The following CPXM2 variants were observed in gnomAD, a reference collection of about 807,000 sequenced individuals.
CPXM2 encodes carboxypeptidase X, M14 family member 2, also known as inactive carboxypeptidase-like protein X2.
A neutral mutation model predicts 86.1 loss-of-function variants in CPXM2; 66 were observed. The observed-to-expected ratio is 0.77, with a 90% confidence interval of 0.63 to 0.94. The LOEUF (loss-of-function observed/expected upper bound fraction) is 0.94, where lower values mean the gene tolerates loss of function less well. Ranked by LOEUF, CPXM2 falls within the 40% of genes least tolerant of loss-of-function variation. The probability of loss-of-function intolerance (pLI) is 0.00; values close to 1 mark genes in which losing one functional copy is unlikely to be tolerated. For missense variants in CPXM2, 948 were observed against 1,026.3 expected (o/e 0.92, Z 1.04); for synonymous variants, 388 against 400.2 (o/e 0.97, Z 0.36).
chr10:123,876,483 C>T (rs916758231), intron 2 of CPXM2, among the ~76,000 whole-genome samples: 3 of 152,178 alleles, frequency 2.0e-5, no homozygotes, highest in African/African-American at 7.2e-5. Flanking sequence ...TCAGAGGAGG[C>T]TTCCTGGAAG....
At chr10:123,830,945 A>G (rs1848155451) in intron 4 of CPXM2, among the ~76,000 whole-genome samples, 4 of 150,000 alleles carry the variant, frequency 2.7e-5, no homozygotes, top group Non-Finnish European at 4.4e-5. Flanking sequence ...AACTCTAATC[A>G]TGTAGTTAAA....
chr10:123,901,326 TA>T (rs1945378939), intron 2 of CPXM2, among the ~76,000 whole-genome samples: 1 of 152,176 alleles, frequency 6.6e-6, no homozygotes. Context: ...GCTCCAGTTG[TA>T]AATCACATGC....
At chr10:123,833,347 A>G (rs1175838966) in intron 4 of CPXM2, among the ~76,000 whole-genome samples, 5 of 152,234 alleles carry the variant, frequency 3.3e-5, no homozygotes, top group Non-Finnish European at 7.3e-5. Context: ...ATTTATGCCA[A>G]CAAAATACAG....
Position 123,768,821 on chromosome 10 carries a change from T to C in CPXM2, c.1103-99A>G, listed in dbSNP as rs576708220. 4 of 1,061,748 alleles carry C rather than the reference T, an allele frequency of 3.8e-6. No homozygotes were observed. In the African/African-American group the frequency reaches 6.3e-5, roughly 17 times the overall value. 65.8% of individuals were successfully genotyped at this position (1,061,748 alleles called of 1,614,324 possible). ...GTTGGGGGGAAAGTCTTGAATAATA[T>C]AAGCTTACCGTTTTAGACCTATTTG... On this transcript the variant is annotated intron_variant, in intron 8 of 13. Coordinates refer to ENST00000241305, the MANE Select transcript of CPXM2 (RefSeq NM_198148.3).
At chr10:123,874,370 C>T (rs1302562439) in intron 2 of CPXM2, among the ~76,000 whole-genome samples, 6 of 146,790 alleles carry the variant, frequency 4.1e-5, no homozygotes, top group African/African-American at 7.3e-5. Flanking sequence ...ATCACCACCC[C>T]CCGCCCCAAC....
At chr10:123,811,331 A>T (rs1847691109) in intron 4 of CPXM2, among the ~76,000 whole-genome samples, 1 of 151,988 alleles carries the variant, frequency 6.6e-6, no homozygotes, top group Non-Finnish European at 1.5e-5. Context: ...CTGGTGTGTG[A>T]TGTTCTGCTT....
chr10:123,757,092 G>T, intron 12 of CPXM2, 121 bp downstream of exon 12: 1 of 903,288 alleles, frequency 1.1e-6, no homozygotes, highest in Non-Finnish European at 1.8e-6. Flanking sequence ...TCGCAGCACT[G>T]TGCTGGCCCA....
At position 123,746,414 on chromosome 10, in the gene CPXM2, A is replaced by G. The variant is rs145200816; in HGVS notation, c.*350T>C. ...GCACGTGGAACCCTTGCTGCCACGC[A>G]AACAGGGGAAGCACCAGAATCCTTT... On this transcript the variant is annotated 3_prime_UTR_variant, in exon 14 of 14. Transcript: ENST00000241305. The G allele has an allele frequency of 3.6e-6, 1 of 278,618 alleles. No individual in the cohort carries two copies. The highest frequency in any genetic ancestry group is 2.2e-5 in the African/African-American group (1 of 45,408). 17.3% of individuals were successfully genotyped at this position (278,618 alleles called of 1,614,324 possible). A position where few individuals can be genotyped will look rare whatever the true frequency, so the allele number is the denominator to read the frequency against.
At chr10:123,901,429 T>TTGTGTG (rs3069582) in intron 2 of CPXM2, among the ~76,000 whole-genome samples, 14,538 of 138,842 alleles carry the variant, frequency 0.1, 835 homozygotes, top group South Asian at 0.15. Context: ...CCAAGCAAGT[T>TTGTGTG]TGTGTGTGTG....
intron 2 of CPXM2, among the ~76,000 whole-genome samples, chr10:123,916,604 C>T (rs1430094303): frequency 6.6e-6 from 1 of 152,198 alleles, no homozygotes; most frequent in Non-Finnish European, 1.5e-5. Flanking sequence ...GCCTCCCTAA[C>T]TCAGGCTCCT....
Position 123,891,511 on chromosome 10 carries a change from G to C in CPXM2, c.149C>G (p.Pro50Arg), listed in dbSNP as rs1165504457. ...AGAGAAGGTCTCGAGCTCGGGCTCCGGGCGCGCGTAGTAGGGCTCCCGGCT... is the reference window on the plus strand; with the variant it reads ...AGAGAAGGTCTCGAGCTCGGGCTCCCGGCGCGCGTAGTAGGGCTCCCGGCT... ...IWSREPYYAR[P>R]EPELETFSPP... Residue 50 changes from proline to arginine, a missense_variant, in exon 1 of 14, where the codon CCG (proline) becomes CGG (arginine). By Grantham distance (103) the Pro-to-Arg change is moderately radical. Coordinates refer to ENST00000241305, the MANE Select transcript of CPXM2 (RefSeq NM_198148.3). The surrounding 1 kb of genome is among the most constrained non-coding windows in gnomAD (Gnocchi z 5.6). The C allele has an allele frequency of 6.5e-7, 1 of 1,547,790 alleles. No homozygotes were observed. Among genetic ancestry groups the C allele is most frequent in the Admixed American group, 2.0e-5 (1 of 50,948 alleles).
chr10:123,842,310 A>C, intron 4 of CPXM2, 39 bp downstream of exon 4: 1 of 1,611,882 alleles, frequency 6.2e-7, no homozygotes, highest in East Asian at 2.2e-5. Context: ...AGCTAGACCC[A>C]AAACAGGGTC....
At chr10:123,773,609 AAATACAC>A (rs1846709382) in intron 7 of CPXM2, among the ~76,000 whole-genome samples, 1 of 152,230 alleles carries the variant, frequency 6.6e-6, no homozygotes, top group African/African-American at 2.4e-5. Flanking sequence ...TGGGTTGAGC[AAATACAC>A]ACCGCTCCTT....
At chr10:123,768,907 G>T (rs1342806309) in intron 8 of CPXM2, among the ~76,000 whole-genome samples, 185 bp from the exon 9 acceptor site, 6 of 152,136 alleles carry the variant, frequency 3.9e-5, no homozygotes, top group African/African-American at 1.4e-4. Flanking sequence ...AGACAGTCAG[G>T]TATGTAAGAA....
chr10:123,845,519 T>C (rs988212090), intron 3 of CPXM2, among the ~76,000 whole-genome samples: 1 of 151,976 alleles, frequency 6.6e-6, no homozygotes, highest in African/African-American at 2.4e-5. Flanking sequence ...ACTTTTAAAA[T>C]AGAAAGGCTT....
At chr10:123,863,427 G>A (rs1848902452) in intron 2 of CPXM2, among the ~76,000 whole-genome samples, 1 of 152,142 alleles carries the variant, frequency 6.6e-6, no homozygotes, top group Non-Finnish European at 1.5e-5. Context: ...CCGCATTGAG[G>A]GGGTTTGTGC....
intron 3 of CPXM2, chr10:123,843,325 T>C (rs902917210): frequency 6.6e-6 from 3 of 452,418 alleles, no homozygotes; most frequent in African/African-American, 6.0e-5. Context: ...ATTATCACCA[T>C]GTGAAGAGAT....
At position 123,757,194 on chromosome 10, in the gene CPXM2, C is replaced by A; in HGVS notation, c.1917+19G>T. Reference sequence around the variant, plus strand: ...CCCCAGCTAGTCCCCCTCATCCCAGCCACACACCCGCAATATACCTGCTCC... The same window carrying A: ...CCCCAGCTAGTCCCCCTCATCCCAGACACACACCCGCAATATACCTGCTCC... On this transcript the variant is annotated intron_variant, in intron 12 of 13. Coordinates refer to ENST00000241305, the MANE Select transcript of CPXM2 (RefSeq NM_198148.3). The A allele has an allele frequency of 6.2e-7, 1 of 1,610,740 alleles. No homozygotes were observed. Among genetic ancestry groups the A allele is most frequent in the South Asian group, 1.1e-5 (1 of 90,800 alleles).
intron 1 of CPXM2, among the ~76,000 whole-genome samples, chr10:123,890,812 G>GGAGGCTGTGCCATCCTGCCCCAGCC (rs1424496815): frequency 2.0e-5 from 3 of 152,158 alleles, no homozygotes; most frequent in Admixed American, 6.5e-5. Context: ...ACTCCCCAGT[G>GGAGGCTGTGCCATCCTGCCCCAGCC]GAGGCTGTGC....
Sources: allele counts gnomAD v4.1 joint callset (sites outside exome capture counted in the v4.1 genomes callset), GRCh38; gene constraint gnomAD v4.1.1; non-coding constraint Gnocchi (gnomAD v3.1); transcripts MANE v1.5; gene names NCBI Gene and HGNC (gene_info 2026-07-23, HGNC 2026-07-21).